Variants in SNX30 observed in about 807,000 individuals in gnomAD.
SNX30 encodes the protein sorting nexin family member 30, also known as sorting nexin-30.
Under a neutral mutation model 46.4 loss-of-function variants are expected in SNX30, and 24 were observed. That is an observed-to-expected ratio of 0.52 (90% CI 0.37 to 0.73). The LOEUF is 0.73. SNX30 is among the 30% of genes least tolerant of loss of function. The pLI is 0.00. For synonymous variants in SNX30, 189 were observed against 211.5 expected (o/e 0.89, Z 0.92); for missense variants, 533 against 555.7 (o/e 0.96, Z 0.41).
At chr9:112,765,029 C>G (rs1238303227) in intron 1 of SNX30, among the ~76,000 whole-genome samples, 1 of 152,154 alleles carries the variant, frequency 6.6e-6, no homozygotes, top group Non-Finnish European at 1.5e-5. Context: ...TACCTTTAGG[C>G]TGATCAACTG....
At chr9:112,851,297 A>G (rs1297488177) in intron 7 of SNX30, among the ~76,000 whole-genome samples, 1 of 152,244 alleles carries the variant, frequency 6.6e-6, no homozygotes, top group Non-Finnish European at 1.5e-5. Flanking sequence ...AAACTATACA[A>G]TCCATGATGA....
chr9:112,838,641 A>C lies in SNX30; in HGVS notation c.958A>C (p.Thr320Pro), dbSNP rs767032222. The C allele has an allele frequency of 1.4e-5, 22 of 1,614,168 alleles. No homozygotes were observed. The highest frequency in any genetic ancestry group is 1.9e-5 in the Non-Finnish European group (22 of 1,180,026). ...CTTAGAAGAGCTGACAGATGACATG[A>C]CAGAAGACTTCCTACCTGTGCTCAG... ...TALEELTDDM[T>P]EDFLPVLREY... The change falls in exon 6 of 9, where the codon ACA (threonine) becomes CCA (proline). Residue 320 changes from threonine (T) to proline (P), a missense_variant. Physicochemically the swap from Thr to Pro is conservative, Grantham distance 38. Coordinates refer to ENST00000374232, the MANE Select transcript of SNX30 (RefSeq NM_001012994.2).
intron 7 of SNX30, among the ~76,000 whole-genome samples, chr9:112,853,833 A>G (rs1841073700): frequency 6.6e-6 from 1 of 152,230 alleles, no homozygotes; most frequent in Non-Finnish European, 1.5e-5. Context: ...TGTGATCGTC[A>G]CTACACAGTG....
intron 6 of SNX30, among the ~76,000 whole-genome samples, chr9:112,843,602 G>A (rs944377329): frequency 1.3e-5 from 2 of 150,836 alleles, no homozygotes; most frequent in African/African-American, 4.9e-5. Flanking sequence ...GTCAAAGAGA[G>A]GTAGGAGCCT....
intron 2 of SNX30, among the ~76,000 whole-genome samples, chr9:112,810,394 G>A (rs1053047524): frequency 2.6e-5 from 4 of 152,188 alleles, no homozygotes; most frequent in Non-Finnish European, 5.9e-5. Context: ...CGAGTTGGGT[G>A]AATGGGCAGT....
At chr9:112,785,470 G>T (rs1839908263) in intron 1 of SNX30, among the ~76,000 whole-genome samples, 1 of 149,988 alleles carries the variant, frequency 6.7e-6, no homozygotes, top group African/African-American at 2.5e-5. Context: ...TGCAACCTCT[G>T]CCTCCCTGGT....
At chr9:112,763,849 A>C (rs1328801816) in intron 1 of SNX30, among the ~76,000 whole-genome samples, 1 of 150,100 alleles carries the variant, frequency 6.7e-6, no homozygotes, top group Non-Finnish European at 1.5e-5. Context: ...CTCTGACTAA[A>C]AAAAAAAAAA....
chr9:112,815,704 A>G (rs1031630032), intron 2 of SNX30, among the ~76,000 whole-genome samples: 3 of 152,230 alleles, frequency 2.0e-5, no homozygotes, highest in Non-Finnish European at 4.4e-5. Flanking sequence ...AGAGCCTTCC[A>G]TCAGTTTGGT....
intron 1 of SNX30, among the ~76,000 whole-genome samples, chr9:112,788,368 G>A (rs901451326): frequency 1.1e-4 from 16 of 152,270 alleles, no homozygotes; most frequent in African/African-American, 1.9e-4. Flanking sequence ...TGCACTCCGC[G>A]TGTGTAGTAC....
chr9:112,778,894 G>C (rs538566226), intron 1 of SNX30, among the ~76,000 whole-genome samples: 10,338 of 149,776 alleles, frequency 0.069, 466 homozygotes, highest in Non-Finnish European at 0.1. Flanking sequence ...GAGAACTTGG[G>C]GGGGGGGGAT....
intron 1 of SNX30, among the ~76,000 whole-genome samples, chr9:112,751,588 G>A (rs1839277527): frequency 1.3e-5 from 2 of 152,242 alleles, no homozygotes; most frequent in Non-Finnish European, 2.9e-5. Context: ...GCTGGGACCG[G>A]GCAGCCCTGG....
intron 1 of SNX30, among the ~76,000 whole-genome samples, chr9:112,796,440 G>A (rs1442344960): frequency 3.3e-5 from 5 of 152,056 alleles, no homozygotes; most frequent in African/African-American, 9.7e-5. Context: ...CGTGTGTCCC[G>A]TGGTACCAGT....
intron 8 of SNX30, among the ~76,000 whole-genome samples, chr9:112,866,898 C>T (rs1841356981): frequency 1.3e-5 from 2 of 151,680 alleles, no homozygotes; most frequent in African/African-American, 4.8e-5. Context: ...CTCCTCCCTC[C>T]TCAGAATTCC....
At chr9:112,868,700 G>A (rs893356055) in intron 8 of SNX30, 84 bp from the exon 9 acceptor site, 1 of 1,444,832 alleles carries the variant, frequency 6.9e-7, no homozygotes, top group East Asian at 2.3e-5. Context: ...GATCGACAAC[G>A]AAAGGGTAGG....
intron 6 of SNX30, among the ~76,000 whole-genome samples, chr9:112,849,713 T>TC (rs1225371447): frequency 1.3e-5 from 2 of 152,214 alleles, no homozygotes; most frequent in African/African-American, 4.8e-5. Context: ...TCTCAACTCT[T>TC]CAGTTGCCTG....
intron 4 of SNX30, among the ~76,000 whole-genome samples, chr9:112,835,972 A>T (rs760740914): frequency 6.6e-6 from 1 of 152,200 alleles, no homozygotes. Flanking sequence ...AGTGAATTTG[A>T]TTAAGGATTG....
rs751316187 is a variant in SNX30, at chr9:112,830,842, C to A, written c.577C>A (p.Leu193Met). The change falls in exon 4 of 9, where the codon CTG becomes ATG. Residue 193 changes from leucine to methionine, a missense_variant. Leu to Met is a conservative substitution (Grantham distance 15). Transcript: ENST00000374232. ...AAAAAGAATTACGGACCATCCTGTG[C>A]TGTCTTTCAATGAACACTTTAATAT... ...FLKRITDHPV[L>M]SFNEHFNIFL... 1 of 1,613,874 alleles carries A rather than the reference C, an allele frequency of 6.2e-7. No homozygotes were observed. Among genetic ancestry groups the A allele is most frequent in the East Asian group, 2.2e-5 (1 of 44,870 alleles).
chr9:112,862,400 G>A (rs563863170), intron 7 of SNX30, among the ~76,000 whole-genome samples: 1 of 152,298 alleles, frequency 6.6e-6, no homozygotes, highest in Admixed American at 6.5e-5. Flanking sequence ...ACGGGTAAGG[G>A]AACTGGCCTG....
chr9:112,804,882 C>G lies in SNX30; in HGVS notation c.263C>G (p.Thr88Ser). Residue 88 changes from threonine (T) to serine (S), a missense_variant, in exon 2 of 9, where the codon ACT becomes AGT. Thr to Ser is a moderately conservative substitution (Grantham distance 58). Around this residue, in one of 3 missense-constraint regions of SNX30, gnomAD observed 191 missense variants for 160.3 expected, o/e 1.19. Coordinates refer to ENST00000374232, the MANE Select transcript of SNX30 (RefSeq NM_001012994.2). ...LQLDDDIDGETRDLFVIVDDP... is the reference protein window; with the variant it reads ...LQLDDDIDGESRDLFVIVDDP... ...CTTGATGATGATATTGATGGTGAGA[C>G]TAGAGATCTCTTCGTTATAGTTGAT... 1.2e-6 allele frequency: 2 copies of G among 1,613,992 alleles called. No individual in the cohort carries two copies. Among genetic ancestry groups the G allele is most frequent in the Non-Finnish European group, 1.7e-6 (2 of 1,179,918 alleles).
Sources: gnomAD v4.1 joint callset for allele counts (sites outside exome capture counted in the v4.1 genomes callset) on GRCh38, gnomAD v4.1.1 for gene constraint, gnomAD v4.1.1 regional missense constraint, MANE v1.5 for transcripts, NCBI Gene and HGNC (gene_info 2026-07-23, HGNC 2026-07-21) for gene names.